Variants in SLC44A5 observed in about 807,000 individuals in gnomAD.
SLC44A5 encodes solute carrier family 44 member 5, also known as choline transporter-like protein 5.
SLC44A5 carries 57 observed loss-of-function variants against 101.8 expected under a neutral mutation model. That is an observed-to-expected ratio of 0.56 (90% CI 0.45 to 0.70). The LOEUF is 0.70. SLC44A5 is among the 30% of genes least tolerant of loss of function. The pLI is 0.00. For synonymous variants in SLC44A5, 281 were observed against 290.9 expected, an observed-to-expected ratio of 0.97 and a Z score of 0.35; for missense variants, 737 against 853.1, an observed-to-expected ratio of 0.86 and a Z score of 1.70.
At chr1:75,425,776 C>T (rs1272249813) in intron 2 of SLC44A5, among the ~76,000 whole-genome samples, 4 of 152,132 alleles carry the variant, frequency 2.6e-5, no homozygotes, top group Admixed American at 6.5e-5. Flanking sequence ...GCAGAACTCA[C>T]GGTTCTACCA....
intron 2 of SLC44A5, among the ~76,000 whole-genome samples, chr1:75,445,557 A>AT (rs1557791779): frequency 2.9e-4 from 44 of 149,244 alleles, no homozygotes; most frequent in African/African-American, 1.1e-3. Context: ...ATATATGTAT[A>AT]AATTATATAT....
At chr1:75,325,519 C>T (rs879540785) in intron 4 of SLC44A5, among the ~76,000 whole-genome samples, 1 of 148,168 alleles carries the variant, frequency 6.7e-6, no homozygotes, top group Non-Finnish European at 1.5e-5. Context: ...TCTGGGTCAA[C>T]TGTAGTTAGA....
intron 12 of SLC44A5, among the ~76,000 whole-genome samples, chr1:75,229,677 G>A (rs969890666): frequency 6.6e-6 from 1 of 152,062 alleles, no homozygotes; most frequent in African/African-American, 2.4e-5. Context: ...TTTTTCCATA[G>A]CAATAACCAC....
At chr1:75,376,433 C>T (rs1386871038) in intron 3 of SLC44A5, among the ~76,000 whole-genome samples, 1 of 152,134 alleles carries the variant, frequency 6.6e-6, no homozygotes, top group African/African-American at 2.4e-5. Flanking sequence ...ACTTAAATGT[C>T]CCTGTCTGAC....
At chr1:75,711,095 A>G in the SLC44A5 span, among the ~76,000 whole-genome samples, 1 of 152,146 alleles carries the variant, frequency 6.6e-6, no homozygotes, top group Non-Finnish European at 1.5e-5. Context: ...AATTCCCAAG[A>G]CAGCCAATCT....
intron 2 of SLC44A5, among the ~76,000 whole-genome samples, chr1:75,475,989 C>A (rs1334168936): frequency 1.3e-5 from 2 of 152,136 alleles, no homozygotes; most frequent in Non-Finnish European, 2.9e-5. Flanking sequence ...TAAAGACCAG[C>A]CTGACCAATA....
chr1:75,311,008 AT>A (rs1334314653), intron 4 of SLC44A5, among the ~76,000 whole-genome samples: 5 of 152,040 alleles, frequency 3.3e-5, no homozygotes, highest in Non-Finnish European at 7.4e-5. Context: ...TAAAATATAA[AT>A]TTTTAAAGTT....
At chr1:75,508,750 G>A (rs1297172698) in intron 2 of SLC44A5, among the ~76,000 whole-genome samples, 1 of 148,946 alleles carries the variant, frequency 6.7e-6, no homozygotes, top group Non-Finnish European at 1.5e-5. Flanking sequence ...AAATCTAGAT[G>A]AAATGGAGAC....
intron 2 of SLC44A5, among the ~76,000 whole-genome samples, chr1:75,400,275 C>T (rs1662393746): frequency 6.6e-6 from 1 of 152,112 alleles, no homozygotes; most frequent in South Asian, 2.1e-4. Context: ...CATAAAAGTC[C>T]AAACCCCAGC....
chr1:75,597,553 T>C (rs1414741987), intron 1 of SLC44A5, among the ~76,000 whole-genome samples: 1 of 152,036 alleles, frequency 6.6e-6, no homozygotes, highest in East Asian at 1.9e-4. Context: ...AACTATACTA[T>C]AGGGCTGCAG....
chr1:75,222,473 A>C lies in SLC44A5; in HGVS notation c.986-13T>G. On this transcript the variant is annotated splice_polypyrimidine_tract_variant and intron_variant, in intron 13 of 23. Coordinates refer to ENST00000370859, the MANE Select transcript of SLC44A5 (RefSeq NM_001130058.2). ...CAGAGTATTATCACTTTGAACAGGA[A>C]AAAAAAAATCAGTCTGTAATACAAG... 6.5e-7 allele frequency: 1 copy of C among 1,546,386 alleles called. No individual in the cohort carries two copies. The highest frequency in any genetic ancestry group is 8.9e-7 in the Non-Finnish European group (1 of 1,122,724).
At chr1:75,263,876 A>G (rs1650753432) in intron 6 of SLC44A5, among the ~76,000 whole-genome samples, 1 of 152,144 alleles carries the variant, frequency 6.6e-6, no homozygotes, top group African/African-American at 2.4e-5. Context: ...AAACTAAAAC[A>G]AGAACAGAAA....
At chr1:75,410,999 A>T (rs1663240927) in intron 2 of SLC44A5, among the ~76,000 whole-genome samples, 1 of 152,090 alleles carries the variant, frequency 6.6e-6, no homozygotes, top group African/African-American at 2.4e-5. Flanking sequence ...GTGTAATCAT[A>T]GTAAGACATG....
At chr1:75,226,644 T>G (rs1267193298) in intron 13 of SLC44A5, among the ~76,000 whole-genome samples, 2 of 152,110 alleles carry the variant, frequency 1.3e-5, no homozygotes, top group African/African-American at 4.8e-5. Flanking sequence ...ATTGCTCCCT[T>G]CTGAGGTTCT....
intron 5 of SLC44A5, among the ~76,000 whole-genome samples, chr1:75,292,860 G>T (rs1307633743): frequency 6.6e-6 from 1 of 152,114 alleles, no homozygotes; most frequent in African/African-American, 2.4e-5. Context: ...CTCATTTATT[G>T]TTTTTATTAA....
At chr1:75,383,906 A>G (rs1034283594) in intron 3 of SLC44A5, among the ~76,000 whole-genome samples, 21 of 152,066 alleles carry the variant, frequency 1.4e-4, no homozygotes, top group African/African-American at 4.8e-4. Flanking sequence ...AATATTCAAC[A>G]TTCTTAAAGA....
intron 2 of SLC44A5, among the ~76,000 whole-genome samples, chr1:75,499,144 A>G (rs1668817667): frequency 6.6e-6 from 1 of 152,154 alleles, no homozygotes; most frequent in Non-Finnish European, 1.5e-5. Flanking sequence ...TATAACATCT[A>G]GGTTTGTGTA....
chr1:75,453,937 A>G (rs1666042667), intron 2 of SLC44A5, among the ~76,000 whole-genome samples: 1 of 152,026 alleles, frequency 6.6e-6, no homozygotes. Context: ...AGCCCTAGGC[A>G]AGATGAACTC....
intron 6 of SLC44A5, among the ~76,000 whole-genome samples, chr1:75,252,297 A>ACATTATG (rs1649642769): frequency 6.6e-6 from 1 of 152,242 alleles, no homozygotes; most frequent in South Asian, 2.1e-4. Context: ...GACTACATGC[A>ACATTATG]TAGCACAAAA....
Sources: allele counts gnomAD v4.1 joint callset (sites outside exome capture counted in the v4.1 genomes callset), GRCh38; gene constraint gnomAD v4.1.1; transcripts MANE v1.5; gene names NCBI Gene and HGNC (gene_info 2026-07-23, HGNC 2026-07-21).